Variants in VEPH1 observed in about 807,000 individuals in gnomAD.
VEPH1 encodes ventricular zone-expressed PH domain-containing protein homolog 1.
Under a neutral mutation model 85.2 loss-of-function variants are expected in VEPH1, and 80 were observed. The ratio of observed to expected loss-of-function variants is 0.94; its 90% CI spans 0.78 to 1.13. VEPH1 has a LOEUF of 1.13. Among genes scored for constraint, VEPH1 ranks in the 50% most tolerant of loss-of-function variants. The pLI is 0.00. For missense variants in VEPH1, 955 were observed against 980.5 expected, an observed-to-expected ratio of 0.97 and a Z score of 0.35; for synonymous variants, 297 against 348.0, an observed-to-expected ratio of 0.85 and a Z score of 1.63.
intron 5 of VEPH1, among the ~76,000 whole-genome samples, chr3:157,417,491 G>T (rs975158317): frequency 6.6e-6 from 1 of 152,106 alleles, no homozygotes; most frequent in Admixed American, 6.6e-5. Context: ...CTTAAACTCC[G>T]ATCTAATTAC....
intron 4 of VEPH1, among the ~76,000 whole-genome samples, chr3:157,445,647 G>C (rs1009530531): frequency 3.3e-5 from 5 of 151,446 alleles, no homozygotes; most frequent in Non-Finnish European, 4.4e-5. Flanking sequence ...AAATTAGCTG[G>C]GTGTAGTGGC....
intron 2 of VEPH1, among the ~76,000 whole-genome samples, chr3:157,486,362 G>C (rs1251842062): frequency 6.6e-6 from 1 of 152,002 alleles, no homozygotes; most frequent in East Asian, 1.9e-4. Flanking sequence ...CAGGTGTGGT[G>C]GTGGGCACCT....
At position 157,373,388 on chromosome 3, in the gene VEPH1, T is replaced by A. The variant is rs78069614; in HGVS notation, c.1127+7768A>T. On this transcript the variant is annotated intron_variant, in intron 7 of 13. Transcript: ENST00000362010. ...CAGACACCAGAATAGAGTTGATATA[T>A]AGTCACGGGAGCAACCCTTTGTATT... Among the ~76,000 whole-genome samples the A allele has an allele frequency of 1.8e-3, 271 of 152,328 alleles. 4 individuals are homozygous for A. The East Asian group carries it at 0.049, about 28-fold the overall frequency.
chr3:157,413,147 A>G (rs1165835498), intron 6 of VEPH1, among the ~76,000 whole-genome samples: 1 of 152,124 alleles, frequency 6.6e-6, no homozygotes, highest in Non-Finnish European at 1.5e-5. Flanking sequence ...ATTTGTTTTT[A>G]TTTTAATATA....
chr3:157,410,719 A>C (rs1037924811), intron 6 of VEPH1, among the ~76,000 whole-genome samples: 1 of 152,176 alleles, frequency 6.6e-6, no homozygotes, highest in Non-Finnish European at 1.5e-5. Context: ...TTTCTGAGCA[A>C]AGGAGCCTGC....
chr3:157,306,228 G>A (rs1347614993), intron 11 of VEPH1, among the ~76,000 whole-genome samples: 1 of 151,874 alleles, frequency 6.6e-6, no homozygotes, highest in Admixed American at 6.6e-5. Context: ...TCCCTTCCCC[G>A]GTAACATTTT....
At chr3:157,493,857 T>A (rs1006514935) in intron 2 of VEPH1, among the ~76,000 whole-genome samples, 1 of 152,230 alleles carries the variant, frequency 6.6e-6, no homozygotes, top group African/African-American at 2.4e-5. Flanking sequence ...AGGGAACTTA[T>A]GTGATCTTTG....
In VEPH1 at chr3:157,336,901, A is replaced by T. The variant is rs547209723; in HGVS notation, c.1736-19700T>A. ...TGAGCAGCTTCAACAGAGACCACAC[A>T]AACTGTCCAAAAATATTTACTACTT... On this transcript the variant is annotated intron_variant, in intron 9 of 13. Transcript: ENST00000362010. 1.6e-4 allele frequency among the ~76,000 whole-genome samples: 24 copies of T among 152,338 alleles called. No individual in the cohort carries two copies. The South Asian group carries it at 5.0e-3, about 32-fold the overall frequency.
chr3:157,449,065 C>T (rs536507336), intron 4 of VEPH1, among the ~76,000 whole-genome samples: 4 of 152,270 alleles, frequency 2.6e-5, no homozygotes, highest in South Asian at 2.1e-4. Flanking sequence ...TCCCTAGCCA[C>T]GTGGAACTGT....
intron 4 of VEPH1, chr3:157,442,824 G>T (rs936536386): frequency 1.2e-6 from 2 of 1,614,174 alleles, no homozygotes; most frequent in Admixed American, 3.3e-5. Context: ...AGCCTTCTCT[G>T]GGAGACTCAC....
chr3:157,405,660 T>C (rs1731086715), intron 6 of VEPH1, among the ~76,000 whole-genome samples: 1 of 152,170 alleles, frequency 6.6e-6, no homozygotes, highest in Admixed American at 6.5e-5. Flanking sequence ...TCCCCATGGA[T>C]ACCTTCTTCC....
chr3:157,467,274 C>T (rs1372500833), intron 3 of VEPH1, among the ~76,000 whole-genome samples: 1 of 151,938 alleles, frequency 6.6e-6, no homozygotes, highest in Non-Finnish European at 1.5e-5. Context: ...CCCTGGGTTG[C>T]TTATCTGGGG....
intron 9 of VEPH1, among the ~76,000 whole-genome samples, chr3:157,333,839 T>C (rs115988706): frequency 6.6e-6 from 1 of 151,928 alleles, no homozygotes; most frequent in East Asian, 1.9e-4. Context: ...CTAAAATGGG[T>C]CCGTTTACAT....
intron 6 of VEPH1, among the ~76,000 whole-genome samples, chr3:157,385,962 T>C (rs1729243313): frequency 6.6e-6 from 1 of 152,190 alleles, no homozygotes; most frequent in African/African-American, 2.4e-5. Context: ...TTTCATTATA[T>C]AATATAAAAA....
At chr3:157,464,801 G>T (rs78968427) in intron 3 of VEPH1, among the ~76,000 whole-genome samples, 1 of 152,272 alleles carries the variant, frequency 6.6e-6, no homozygotes, top group East Asian at 1.9e-4. Context: ...AAGCTCTTTG[G>T]CTCTTAGGCC....
chr3:157,317,765 A>G (rs1262504278), intron 9 of VEPH1, among the ~76,000 whole-genome samples: 1 of 152,238 alleles, frequency 6.6e-6, no homozygotes, highest in Non-Finnish European at 1.5e-5. Context: ...ACAAGGAAGT[A>G]GTGGGTGAGT....
intron 4 of VEPH1, chr3:157,443,106 C>A: frequency 1.7e-6 from 2 of 1,144,492 alleles, no homozygotes; most frequent in Non-Finnish European, 2.4e-6. Flanking sequence ...GAGTTGAGAC[C>A]AATCTTTATT....
chr3:157,371,304 C>A (rs771997743), intron 7 of VEPH1, among the ~76,000 whole-genome samples: 10 of 152,046 alleles, frequency 6.6e-5, no homozygotes, highest in African/African-American at 2.2e-4. Flanking sequence ...TGAGCAACTG[C>A]AGACAGAATT....
chr3:157,370,241 C>T (rs1176947283), intron 7 of VEPH1, among the ~76,000 whole-genome samples: 1 of 152,180 alleles, frequency 6.6e-6, no homozygotes, highest in African/African-American at 2.4e-5. Flanking sequence ...CTGCTCGCTG[C>T]TCTCACTAAG....
Sources: allele counts gnomAD v4.1 joint callset (sites outside exome capture counted in the v4.1 genomes callset), GRCh38; gene constraint gnomAD v4.1.1; transcripts MANE v1.5; gene names NCBI Gene and HGNC (gene_info 2026-07-23, HGNC 2026-07-21).